The following SPO11 variants were observed in gnomAD, a reference collection of about 807,000 sequenced individuals.
SPO11 encodes the protein meiotic recombination protein SPO11.
Under a neutral mutation model 51.6 loss-of-function variants are expected in SPO11, and 49 were observed. The observed-to-expected ratio is 0.95, with a 90% CI of 0.75 to 1.20. The LOEUF is 1.20. Ranked by LOEUF, SPO11 falls within the 50% of genes most tolerant of loss-of-function variation. SPO11 has a pLI of 0.00. For synonymous variants in SPO11, 176 were observed against 158.2 expected (o/e 1.11, Z -0.84); for missense variants, 431 against 473.4 (o/e 0.91, Z 0.83).
intron 5 of SPO11, 54 bp downstream of exon 5, chr20:57,334,149 A>G: frequency 9.8e-7 from 1 of 1,015,770 alleles, no homozygotes; most frequent in Non-Finnish European, 1.4e-6. Flanking sequence ...GTTTGTATAA[A>G]ACATAATTTT....
At position 57,333,769 on chromosome 20, in the gene SPO11, T is replaced by C; in HGVS notation, c.401+16T>C. 2.2e-6 allele frequency: 3 copies of C among 1,340,840 alleles called. 1 individual carries two copies. In the South Asian group the frequency reaches 3.8e-5, roughly 17 times the overall value. 83.1% of individuals were successfully genotyped at this position (1,340,840 alleles called of 1,614,324 possible). On this transcript the variant is annotated intron_variant, in intron 4 of 12. Coordinates refer to ENST00000371263, the MANE Select transcript of SPO11 (RefSeq NM_012444.3). ...CAACCAAAAGGTAAATATATTGTTCTAGTAAATTACTCTTCAAAATGTAAT... is the reference window on the plus strand; with the variant it reads ...CAACCAAAAGGTAAATATATTGTTCCAGTAAATTACTCTTCAAAATGTAAT...
At position 57,342,712 on chromosome 20, in the gene SPO11, C is replaced by A. The variant is rs1190637462; in HGVS notation, c.960-17C>A. ...GAAACACTTTTTTACTGATTTTTTT[C>A]ACCTACTTTTTTCCAGATTAAATGT... On this transcript the variant is annotated splice_polypyrimidine_tract_variant and intron_variant, in intron 11 of 12. Coordinates refer to ENST00000371263, the MANE Select transcript of SPO11 (RefSeq NM_012444.3). The A allele has an allele frequency of 6.5e-7, 1 of 1,527,316 alleles. No individual in the cohort carries two copies. Among genetic ancestry groups the A allele is most frequent in the East Asian group, 2.3e-5 (1 of 44,418 alleles). The allele number at this position is 1,527,316 out of a possible 1,614,324, so 94.6% of individuals were successfully genotyped here.
intron 8 of SPO11, among the ~76,000 whole-genome samples, chr20:57,337,113 T>C (rs1026989528): frequency 1.5e-4 from 23 of 152,116 alleles, no homozygotes; most frequent in African/African-American, 4.8e-4. Context: ...CCACTGATGA[T>C]GGGCAGAGAG....
At chr20:57,343,151 T>C (rs867998005) in intron 12 of SPO11, among the ~76,000 whole-genome samples, 190 bp from the exon 13 acceptor site, 7 of 152,304 alleles carry the variant, frequency 4.6e-5, no homozygotes, top group Middle Eastern at 3.4e-3. Context: ...CCCTAATTAT[T>C]GAAGACAGCA....
chr20:57,340,021 G>A, intron 10 of SPO11, 81 bp from the exon 11 acceptor site: 1 of 937,784 alleles, frequency 1.1e-6, no homozygotes, highest in Non-Finnish European at 1.7e-6. Flanking sequence ...TTCTTAATAA[G>A]TGAAAAATTT....
chr20:57,335,073 TA>T (rs2066495850), intron 6 of SPO11, among the ~76,000 whole-genome samples: 1 of 152,254 alleles, frequency 6.6e-6, no homozygotes, highest in African/African-American at 2.4e-5. Flanking sequence ...AATGCACTAT[TA>T]TTTTCAGATA....
rs1273125569 is a variant in SPO11 at position 57,337,790 on chromosome 20, T to C, written c.745-486T>C. On this transcript the variant is annotated intron_variant, in intron 8 of 12. Transcript: ENST00000371263. ...ATCCAAGGTAGGAAGATGTAACCCT[T>C]TTTTTTGGTGCTGTGACTCAGATAT... The C allele has an allele frequency of 3.1e-6, 4 of 1,303,588 alleles. No homozygotes were observed. In the Admixed American group the frequency reaches 8.8e-5, roughly 29 times the overall value. The allele number at this position is 1,303,588 out of a possible 1,614,324, so 80.8% of individuals were successfully genotyped here. A position where few individuals can be genotyped will look rare whatever the true frequency, so the allele number is the denominator to read the frequency against.
rs532862136 is a variant in SPO11, at chr20:57,341,522, A to G, written c.960-1207A>G. Among the ~76,000 whole-genome samples the G allele has an allele frequency of 5.1e-4, 78 of 152,354 alleles. 3 individuals are homozygous for G. The South Asian group carries it at 0.016, about 31-fold the overall frequency. ...TTGGTCAGTAAGAATGAATTTAAAC[A>G]TGTTTATTGGATTTCTTTAAGTGGT... On this transcript the variant is annotated intron_variant, in intron 11 of 12. Transcript: ENST00000371263.
At chr20:57,338,030 G>A (rs2066534172) in intron 8 of SPO11, among the ~76,000 whole-genome samples, 1 of 152,076 alleles carries the variant, frequency 6.6e-6, no homozygotes, top group Non-Finnish European at 1.5e-5. Context: ...TGGGATTACA[G>A]GCGTGTACCA....
rs2048622821 is a variant in SPO11, at chr20:57,343,901, T to C, written c.*441T>C. 6.5e-6 allele frequency: 1 copy of C among 152,850 alleles called. No individual in the cohort carries two copies. Among genetic ancestry groups the C allele is most frequent in the Non-Finnish European group, 1.5e-5 (1 of 68,568 alleles). 9.5% of individuals were successfully genotyped at this position (152,850 alleles called of 1,614,324 possible). On this transcript the variant is annotated 3_prime_UTR_variant, in exon 13 of 13. Transcript: ENST00000371263. The stretch of plus-strand genomic sequence containing the variant: ...GGTGTCCGGTAGTTTCTTCTTACAT[T>C]TTCCTTTGCCTTTATACTTTAGGGG...
chr20:57,332,184 G>A (rs2066458372), intron 2 of SPO11, among the ~76,000 whole-genome samples: 1 of 152,154 alleles, frequency 6.6e-6, no homozygotes, highest in African/African-American at 2.4e-5. Flanking sequence ...CACCAGAAGA[G>A]GTTAGAATTC....
rs751737152 is a variant in SPO11 at position 57,335,404 on chromosome 20, CT to C, written c.598-6del. ...TTTTGCTTTTTATGTAAGATAAAAA[CT>C]TTTTTTTTAAAAGGCTGTTGCTGTG... is the stretch of plus-strand genomic sequence containing the variant. On this transcript the variant is annotated splice_polypyrimidine_tract_variant and intron_variant, in intron 6 of 12. Coordinates refer to ENST00000371263, the MANE Select transcript of SPO11 (RefSeq NM_012444.3). The C allele has an allele frequency of 1.3e-4, 209 of 1,585,966 alleles. No individual in the cohort carries two copies. Among genetic ancestry groups the C allele is most frequent in the Middle Eastern group, 6.8e-4 (4 of 5,858 alleles).
rs764153498 is a variant in SPO11 at position 57,340,162 on chromosome 20, C to T, written c.943C>T (p.Pro315Ser). ...AGCTATTAGATGGCTTGGTCTTCTC[C>T]CTTCTGATCTTAAAAGGTTAGATAG... ...VPAIRWLGLL[P>S]SDLKRLNVPK... Residue 315 changes from proline (P) to serine (S), a missense_variant, in exon 11 of 13, where the codon CCT (proline) becomes TCT (serine). By Grantham distance (74) the Pro-to-Ser change is moderately conservative. Coordinates refer to ENST00000371263, the MANE Select transcript of SPO11 (RefSeq NM_012444.3). 1 of 1,607,340 alleles carries T rather than the reference C, an allele frequency of 6.2e-7. No homozygotes were observed. The highest frequency in any genetic ancestry group is 1.3e-5 in the African/African-American group (1 of 74,914).
At position 57,332,320 on chromosome 20, in the gene SPO11, C is replaced by A. The variant is rs2066459960; in HGVS notation, c.245+374C>A. Reference sequence around the variant, plus strand: ...TCTCACATATGCCACAAAAGCAAACCACTTGCTCAGGGGAAATATAACCAA... The same window carrying A: ...TCTCACATATGCCACAAAAGCAAACAACTTGCTCAGGGGAAATATAACCAA... On this transcript the variant is annotated intron_variant, in intron 2 of 12. Transcript: ENST00000371263. Among the ~76,000 whole-genome samples, 4 of 152,268 alleles carry A rather than the reference C, an allele frequency of 2.6e-5. No homozygotes were observed. The South Asian group carries it at 8.3e-4, about 32-fold the overall frequency.
intron 8 of SPO11, among the ~76,000 whole-genome samples, chr20:57,336,616 C>A (rs2146089937): frequency 6.6e-6 from 1 of 152,276 alleles, no homozygotes; most frequent in East Asian, 1.9e-4. Flanking sequence ...CTCCTCACTG[C>A]CTCCATAAAC....
chr20:57,333,022 C>A (rs1451489757), intron 2 of SPO11, among the ~76,000 whole-genome samples, 166 bp from the exon 3 acceptor site: 3 of 152,162 alleles, frequency 2.0e-5, no homozygotes, highest in Admixed American at 6.5e-5. Context: ...CTAGTTATCA[C>A]CTGGAATGAT....
chr20:57,334,926 AC>A (rs1337981738), intron 6 of SPO11, 90 bp downstream of exon 6: 2 of 1,074,816 alleles, frequency 1.9e-6, no homozygotes, highest in Non-Finnish European at 2.7e-6. Flanking sequence ...TTATTATGTA[AC>A]CTAGAGCTTA....
chr20:57,334,803 T>C lies in SPO11; in HGVS notation c.564T>C (p.Asp188=), dbSNP rs143552011. 20 of 1,613,864 alleles carry C rather than the reference T, an allele frequency of 1.2e-5. No homozygotes were observed. In the African/African-American group the frequency reaches 2.3e-4, roughly 18 times the overall value. The change falls in exon 6 of 13, where the codon GAT becomes GAC. Residue 188 remains aspartate (D), a synonymous_variant. Transcript: ENST00000371263. ...IAGNLRYIEE[D]GTKVNCTCGA... is the part of the protein sequence containing the mutation. ...GCAACTTAAGATACATCGAGGAAGA[T>C]GGCACCAAAGTGAATTGTACCTGTG...
chr20:57,334,280 G>T (rs568608223), intron 5 of SPO11, among the ~76,000 whole-genome samples, 185 bp downstream of exon 5: 5 of 151,080 alleles, frequency 3.3e-5, no homozygotes, highest in Non-Finnish European at 5.9e-5. Context: ...TCAGCCTCCC[G>T]AGTAGCTGGG....
Sources: gnomAD v4.1 joint callset for allele counts (sites outside exome capture counted in the v4.1 genomes callset) on GRCh38, gnomAD v4.1.1 for gene constraint, MANE v1.5 for transcripts, NCBI Gene and HGNC (gene_info 2026-07-23, HGNC 2026-07-21) for gene names.